COL7A1: variants seen among roughly 807,000 people sequenced by gnomAD.
COL7A1 encodes collagen alpha-1(VII) chain.
In COL7A1, 296 loss-of-function variants were observed where a neutral mutation model predicts 456.2. That is an observed-to-expected ratio of 0.65 (90% CI 0.59 to 0.71). The LOEUF (loss-of-function observed/expected upper bound fraction) is 0.71, where lower values mean the gene tolerates loss of function less well. COL7A1 is among the 30% of genes least tolerant of loss of function. The probability of loss-of-function intolerance (pLI) is 0.00; values close to 1 mark genes in which losing one functional copy is unlikely to be tolerated. For synonymous variants in COL7A1, 1,464 were observed against 1,525.9 expected (o/e 0.96, Z 0.95); for missense variants, 3,441 against 4,017.2 (o/e 0.86, Z 3.88).
In COL7A1 at chr3:48,571,899, G is replaced by A. The variant is rs548504342; in HGVS notation, c.7068+102C>T. 1.2e-4 allele frequency: 163 copies of A among 1,415,544 alleles called. 1 individual carries two copies. In the African/African-American group the frequency reaches 2.1e-3, roughly 18 times the overall value. 87.7% of individuals were successfully genotyped at this position (1,415,544 alleles called of 1,614,324 possible). A position where few individuals can be genotyped will look rare whatever the true frequency, so the allele number is the denominator to read the frequency against. On this transcript the variant is annotated intron_variant, in intron 92 of 118. Transcript: ENST00000681320. This position sits in a 1 kb window ranked among gnomAD's most constrained non-coding sequence, Gnocchi z 4.6. The stretch of plus-strand genomic sequence containing the variant: ...TCCTGGATGTTGGGACATGCAGCCC[G>A]ACTCAGGGGCTCAGACATGTGCCCC...
rs1259158038 is a variant in COL7A1 at position 48,590,901 on chromosome 3, G to A, written c.1637-85C>T. Reference sequence around the variant, plus strand: ...TGGCAGTGATGGACAGGGACGCAGAGTGAGAAGGGCCATGGGGGTGGGGAT... The same window carrying A: ...TGGCAGTGATGGACAGGGACGCAGAATGAGAAGGGCCATGGGGGTGGGGAT... On this transcript the variant is annotated intron_variant, in intron 13 of 118. Transcript: ENST00000681320. This position sits in a 1 kb window ranked among gnomAD's most constrained non-coding sequence, Gnocchi z 4.6. 1 of 1,352,288 alleles carries A rather than the reference G, an allele frequency of 7.4e-7. No individual in the cohort carries two copies. The highest frequency in any genetic ancestry group is 1.4e-5 in the African/African-American group (1 of 69,710). 83.8% of individuals were successfully genotyped at this position (1,352,288 alleles called of 1,614,324 possible).
chr3:48,592,877 C>G lies in COL7A1; in HGVS notation c.744G>C (p.Leu248Phe), dbSNP rs1268258941. Residue 248 changes from leucine to phenylalanine, a missense_variant, in exon 7 of 119, where the codon TTG becomes TTC. By Grantham distance (22) the Leu-to-Phe change is conservative. Transcript: ENST00000681320. The surrounding 1 kb of genome is among the most constrained non-coding windows in gnomAD (Gnocchi z 7.6). ...CACTGGCCGCTGTCCACTGTACTCTCAAGGATTGGCTGCTTGGCTCAGACA... is the reference window on the plus strand; with the variant it reads ...CACTGGCCGCTGTCCACTGTACTCTGAAGGATTGGCTGCTTGGCTCAGACA... Reference protein sequence around the residue: ...LVLSEPSSQSLRVQWTAASGP... With the variant: ...LVLSEPSSQSFRVQWTAASGP... The G allele has an allele frequency of 3.7e-6, 6 of 1,614,060 alleles. No homozygotes were observed. Among genetic ancestry groups the G allele is most frequent in the Non-Finnish European group, 5.1e-6 (6 of 1,180,040 alleles).
chr3:48,575,005 A>T lies in COL7A1; in HGVS notation c.6279+59T>A. The T allele has an allele frequency of 6.3e-7, 1 of 1,586,404 alleles. No individual in the cohort carries two copies. Among genetic ancestry groups the T allele is most frequent in the Non-Finnish European group, 8.7e-7 (1 of 1,155,560 alleles). Reference sequence around the variant, plus strand: ...CACACTACCATATTTCTGGGGACCAAGCTAAGGGTGGCTTCCTGGTCACTA... The same window carrying T: ...CACACTACCATATTTCTGGGGACCATGCTAAGGGTGGCTTCCTGGTCACTA... On this transcript the variant is annotated intron_variant, in intron 76 of 118. Coordinates refer to ENST00000681320, the MANE Select transcript of COL7A1 (RefSeq NM_000094.4). The surrounding 1 kb of genome is among the most constrained non-coding windows in gnomAD (Gnocchi z 6.3).
chr3:48,571,052 G>A lies in COL7A1; in HGVS notation c.7164+49C>T. On this transcript the variant is annotated intron_variant, in intron 94 of 118. Transcript: ENST00000681320. This position sits in a 1 kb window ranked among gnomAD's most constrained non-coding sequence, Gnocchi z 4.6. Reference sequence around the variant, plus strand: ...CATCAGAACTCCCTCTTCCTCCTGTGGGGGCCCGGCCTGCTGCCCCTACAA... The same window carrying A: ...CATCAGAACTCCCTCTTCCTCCTGTAGGGGCCCGGCCTGCTGCCCCTACAA... The A allele has an allele frequency of 6.2e-7, 1 of 1,611,658 alleles. No individual in the cohort carries two copies. Among genetic ancestry groups the A allele is most frequent in the Non-Finnish European group, 8.5e-7 (1 of 1,178,026 alleles).
chr3:48,591,630 C>T lies in COL7A1; in HGVS notation c.1508-38G>A, dbSNP rs373348102. ...ACAGCATAGAGGCAGCCTGGGGCTC[C>T]GACACCTCCCCCACTCACTGGCCCA... is the stretch of plus-strand genomic sequence containing the variant. On this transcript the variant is annotated intron_variant, in intron 12 of 118. Coordinates refer to ENST00000681320, the MANE Select transcript of COL7A1 (RefSeq NM_000094.4). This position sits in a 1 kb window ranked among gnomAD's most constrained non-coding sequence, Gnocchi z 7.0. 33 of 1,613,466 alleles carry T rather than the reference C, an allele frequency of 2.0e-5. No homozygotes were observed. The highest frequency in any genetic ancestry group is 8.9e-5 in the East Asian group (4 of 44,876).
In COL7A1 at chr3:48,588,678, G is replaced by A. The variant is rs752325854; in HGVS notation, c.2551C>T (p.Arg851Cys). The change falls in exon 20 of 119, where the codon CGC (arginine) becomes TGC (cysteine). Residue 851 changes from arginine to cysteine, a missense_variant. Arg to Cys is a radical substitution (Grantham distance 180). Coordinates refer to ENST00000681320, the MANE Select transcript of COL7A1 (RefSeq NM_000094.4). The surrounding 1 kb of genome is among the most constrained non-coding windows in gnomAD (Gnocchi z 4.6). ...ACAATGGAGACAGGTGTGCCCTCGC[G>A]GTCCCCGACAAGTGCAGTCACTCGC... ...SVRVTALVGDREGTPVSIVVT... is the reference protein window; with the variant it reads ...SVRVTALVGDCEGTPVSIVVT... 24 of 1,613,734 alleles carry A rather than the reference G, an allele frequency of 1.5e-5. 1 individual carries two copies. Among genetic ancestry groups the A allele is most frequent in the Admixed American group, 6.7e-5 (4 of 60,016 alleles).
In COL7A1 at chr3:48,572,874, G is replaced by A; in HGVS notation, c.6819C>T (p.Ser2273=). ...GASGKDGDRG[S]PGVPGSPGLP... ...CCAGAACACATACTGGCACACCAGGGCTCCCTCTGTCTCCATCTTTTCCAC... is the reference window on the plus strand; with the variant it reads ...CCAGAACACATACTGGCACACCAGGACTCCCTCTGTCTCCATCTTTTCCAC... Residue 2273 remains serine (S), a synonymous_variant, in exon 87 of 119, where the codon AGC becomes AGT. Transcript: ENST00000681320. The surrounding 1 kb of genome is among the most constrained non-coding windows in gnomAD (Gnocchi z 4.6). The A allele has an allele frequency of 6.2e-7, 1 of 1,614,000 alleles. No homozygotes were observed. The highest frequency in any genetic ancestry group is 8.5e-7 in the Non-Finnish European group (1 of 1,179,998).
Position 48,570,531 on chromosome 3 carries a change from G to A in COL7A1, c.7345-31C>T, listed in dbSNP as rs1296185756. On this transcript the variant is annotated intron_variant, in intron 96 of 118. Transcript: ENST00000681320. This position sits in a 1 kb window ranked among gnomAD's most constrained non-coding sequence, Gnocchi z 5.5. ...GGTCAGAGTGAGGTGAGGGTCCTGT[G>A]GCTCTCAAAGCGCCTCCCCCAACAC... 3 of 1,613,876 alleles carry A rather than the reference G, an allele frequency of 1.9e-6. No individual in the cohort carries two copies. The highest frequency in any genetic ancestry group is 2.5e-6 in the Non-Finnish European group (3 of 1,179,944).
rs77050795 is a variant in COL7A1 at position 48,578,215 on chromosome 3, T to C, written c.5532+106A>G. The C allele has an allele frequency of 7.4e-4, 942 of 1,277,054 alleles. 8 individuals carry two copies. In the African/African-American group the frequency reaches 0.012, roughly 16 times the overall value. The allele number at this position is 1,277,054 out of a possible 1,614,324, so 79.1% of individuals were successfully genotyped here. ...ATGCATCTGTATGTCTGGGCCAGGA[T>C]GCATGTGTCTACACGTGTGCCTCAT... On this transcript the variant is annotated intron_variant, in intron 65 of 118. Transcript: ENST00000681320. This position sits in a 1 kb window ranked among gnomAD's most constrained non-coding sequence, Gnocchi z 4.7.
In COL7A1 at chr3:48,582,307, T is replaced by C; in HGVS notation, c.4635+16A>G. Reference sequence around the variant, plus strand: ...GGGCTGTGCTGTGCTCAGAGCGCCATCCTCCCGTCACTCACCACCACTGCA... The same window carrying C: ...GGGCTGTGCTGTGCTCAGAGCGCCACCCTCCCGTCACTCACCACCACTGCA... On this transcript the variant is annotated intron_variant, in intron 47 of 118. Coordinates refer to ENST00000681320, the MANE Select transcript of COL7A1 (RefSeq NM_000094.4). 2 of 1,613,758 alleles carry C rather than the reference T, an allele frequency of 1.2e-6. No individual in the cohort carries two copies. Among genetic ancestry groups the C allele is most frequent in the African/African-American group, 1.3e-5 (1 of 74,952 alleles).
In COL7A1 at chr3:48,568,370, G is replaced by A; in HGVS notation, c.7794+129C>T. On this transcript the variant is annotated intron_variant, in intron 105 of 118. Coordinates refer to ENST00000681320, the MANE Select transcript of COL7A1 (RefSeq NM_000094.4). This position sits in a 1 kb window ranked among gnomAD's most constrained non-coding sequence, Gnocchi z 5.2. The stretch of plus-strand genomic sequence containing the variant: ...GGCTACTGTGGAGGTGGGGGACCCT[G>A]GGTGACATGAGGACACCATGAGAGC... The A allele has an allele frequency of 2.7e-6, 3 of 1,102,960 alleles. No individual in the cohort carries two copies. Among genetic ancestry groups the A allele is most frequent in the Non-Finnish European group, 2.7e-6 (2 of 744,312 alleles). 68.3% of individuals were successfully genotyped at this position (1,102,960 alleles called of 1,614,324 possible). A position where few individuals can be genotyped will look rare whatever the true frequency, so the allele number is the denominator to read the frequency against.
Position 48,571,195 on chromosome 3 carries a change from G to C in COL7A1, c.7105-35C>G. ...AAAGAGGCATCGGATCAAGCTCAGG[G>C]AGTCTCACGACCAGGACCCCAGCAG... On this transcript the variant is annotated intron_variant, in intron 93 of 118. Transcript: ENST00000681320. This position sits in a 1 kb window ranked among gnomAD's most constrained non-coding sequence, Gnocchi z 4.6. 1 of 1,614,046 alleles carries C rather than the reference G, an allele frequency of 6.2e-7. No homozygotes were observed. The highest frequency in any genetic ancestry group is 8.5e-7 in the Non-Finnish European group (1 of 1,180,014).
At position 48,586,612 on chromosome 3, in the gene COL7A1, C is replaced by G. The variant is rs764369727; in HGVS notation, c.3354G>C (p.Leu1118Phe). The change falls in exon 26 of 119, where the codon TTG (leucine) becomes TTC (phenylalanine). Residue 1118 changes from leucine (L) to phenylalanine (F), a missense_variant. Around this residue, in one of 3 missense-constraint regions of COL7A1, gnomAD observed 444 missense variants for 427.6 expected, o/e 1.04. Coordinates refer to ENST00000681320, the MANE Select transcript of COL7A1 (RefSeq NM_000094.4). The surrounding 1 kb of genome is among the most constrained non-coding windows in gnomAD (Gnocchi z 5.1). ...TGTAGGGCATGTCACGGATCCTTTG[C>G]AAGATAATGCCAAGGTCATGGGAGC... ...LNGSHDLGII[L>F]QRIRDMPYMD... 6.8e-6 allele frequency: 11 copies of G among 1,613,578 alleles called. 2 individuals are homozygous for G. The South Asian group carries it at 1.2e-4, about 18-fold the overall frequency.
Position 48,580,190 on chromosome 3 carries a change from C to A in COL7A1, c.5097+110G>T, listed in dbSNP as rs2044642508. 2 of 1,533,208 alleles carry A rather than the reference C, an allele frequency of 1.3e-6. No individual in the cohort carries two copies. The highest frequency in any genetic ancestry group is 3.7e-5 in the Admixed American group (2 of 54,712). The allele number at this position is 1,533,208 out of a possible 1,614,324, so 95.0% of individuals were successfully genotyped here. On this transcript the variant is annotated intron_variant, in intron 56 of 118. Coordinates refer to ENST00000681320, the MANE Select transcript of COL7A1 (RefSeq NM_000094.4). This position sits in a 1 kb window ranked among gnomAD's most constrained non-coding sequence, Gnocchi z 4.5. ...GCCAGCCCCCAGCAGGCATGGGTGG[C>A]CATCCATGCTTCCCACCTGGACCTC... is the stretch of plus-strand genomic sequence containing the variant.
In COL7A1 at chr3:48,568,103, G is replaced by A; in HGVS notation, c.7862C>T (p.Pro2621Leu). The A allele has an allele frequency of 6.2e-7, 1 of 1,614,180 alleles. No individual in the cohort carries two copies. Among genetic ancestry groups the A allele is most frequent in the Non-Finnish European group, 8.5e-7 (1 of 1,180,040 alleles). ...GEKGDVGFMGPRGLKGERGVK... is the reference protein window; with the variant it reads ...GEKGDVGFMGLRGLKGERGVK... ...TTTCTTTCCTACCTTGAGGCCCCGG[G>A]GACCCATGAAGCCAACATCTCCTTT... The change falls in exon 106 of 119, where the codon CCC (proline) becomes CTC (leucine). Residue 2621 changes from proline (P) to leucine (L), a missense_variant. Physicochemically the swap from Pro to Leu is moderately conservative, Grantham distance 98 (BLOSUM62 -3). Around this residue, in one of 3 missense-constraint regions of COL7A1, gnomAD observed 2,084 missense variants for 2,501.3 expected, o/e 0.83. Coordinates refer to ENST00000681320, the MANE Select transcript of COL7A1 (RefSeq NM_000094.4). This position sits in a 1 kb window ranked among gnomAD's most constrained non-coding sequence, Gnocchi z 5.2.
In COL7A1 at chr3:48,567,159, G is replaced by A. The variant is rs777496090; in HGVS notation, c.8078C>T (p.Pro2693Leu). The A allele has an allele frequency of 1.9e-6, 3 of 1,613,964 alleles. No individual in the cohort carries two copies. Among genetic ancestry groups the A allele is most frequent in the East Asian group, 2.2e-5 (1 of 44,872 alleles). ...GDRGFDGQPG[P>L]KGDQGEKGER... ...CCCTTTCTCGCCCTGGTCACCCTTG[G>A]GGCCTGGCTGCCCGTCAAAGCCTCG... The change falls in exon 110 of 119, where the codon CCC becomes CTC. Residue 2693 changes from proline to leucine, a missense_variant. Physicochemically the swap from Pro to Leu is moderately conservative, Grantham distance 98 (BLOSUM62 -3). Coordinates refer to ENST00000681320, the MANE Select transcript of COL7A1 (RefSeq NM_000094.4). The surrounding 1 kb of genome is among the most constrained non-coding windows in gnomAD (Gnocchi z 4.3).
At chr3:48,589,300 G>GA in intron 18 of COL7A1, 27 bp downstream of exon 18, 1 of 1,611,510 alleles carries the variant, frequency 6.2e-7, no homozygotes, top group Non-Finnish European at 8.5e-7. Flanking sequence ...ATGCGGTGTG[G>GA]CTAGTAGCTG....
At position 48,565,317 on chromosome 3, in the gene COL7A1, C is replaced by T; in HGVS notation, c.8527+93G>A. ...CCATGCGTGTGCCCTGCATGCAGAC[C>T]CTACGTGCTTGGCGTGTGCCCTGCA... On this transcript the variant is annotated intron_variant, in intron 116 of 118. Coordinates refer to ENST00000681320, the MANE Select transcript of COL7A1 (RefSeq NM_000094.4). The surrounding 1 kb of genome is among the most constrained non-coding windows in gnomAD (Gnocchi z 4.5). 1.3e-6 allele frequency: 2 copies of T among 1,505,104 alleles called. No individual in the cohort carries two copies. Among genetic ancestry groups the T allele is most frequent in the Non-Finnish European group, 1.8e-6 (2 of 1,100,018 alleles). The allele number at this position is 1,505,104 out of a possible 1,614,324, so 93.2% of individuals were successfully genotyped here.
Position 48,585,735 on chromosome 3 carries a change from C to T in COL7A1, c.3787-1G>A, listed in dbSNP as rs2045199379. On this transcript the variant is annotated splice_acceptor_variant, in intron 30 of 118. Coordinates refer to ENST00000681320, the MANE Select transcript of COL7A1 (RefSeq NM_000094.4). LOFTEE classifies it high-confidence loss of function. This position sits in a 1 kb window ranked among gnomAD's most constrained non-coding sequence, Gnocchi z 4.5. The stretch of plus-strand genomic sequence containing the variant: ...GAGGCCCAACTTGTCCTCTCAGGCC[C>T]TAGGAAGGGTAATCAGTGAGACCTG... 2 of 1,613,910 alleles carry T rather than the reference C, an allele frequency of 1.2e-6. No individual in the cohort carries two copies. The highest frequency in any genetic ancestry group is 2.2e-5 in the South Asian group (2 of 91,090).
Sources: allele counts gnomAD v4.1 joint callset, GRCh38; gene constraint gnomAD v4.1.1; regional missense constraint gnomAD v4.1.1; non-coding constraint Gnocchi (gnomAD v3.1); transcripts MANE v1.5; gene names NCBI Gene and HGNC (gene_info 2026-07-23, HGNC 2026-07-21).